Variants in CNTNAP2 observed in about 807,000 individuals in gnomAD.
CNTNAP2 encodes contactin-associated protein-like 2.
A neutral mutation model predicts 155.2 loss-of-function variants in CNTNAP2; 98 were observed. The observed-to-expected ratio is 0.63, with a 90% CI of 0.54 to 0.75. The LOEUF is 0.75. Among genes scored for constraint, CNTNAP2 ranks in the 30% least tolerant of loss-of-function variants. The pLI, the probability that CNTNAP2 is intolerant of heterozygous loss-of-function variation, is 0.00. For synonymous variants in CNTNAP2, 651 were observed against 631.2 expected (o/e 1.03, Z -0.47); for missense variants, 1,727 against 1,688.1 (o/e 1.02, Z -0.40).
At chr7:147,163,431 A>T (rs1802064239) in intron 8 of CNTNAP2, among the ~76,000 whole-genome samples, 1 of 152,194 alleles carries the variant, frequency 6.6e-6, no homozygotes, top group Admixed American at 6.5e-5. Context: ...TAAAATATTT[A>T]TAACTACTTT....
intron 15 of CNTNAP2, among the ~76,000 whole-genome samples, chr7:147,985,678 T>C (rs1801608238): frequency 6.6e-6 from 1 of 152,204 alleles, no homozygotes; most frequent in Non-Finnish European, 1.5e-5. Context: ...CCCCTAACAG[T>C]GTACTTCTTA....
chr7:147,170,311 C>T (rs1802200767), intron 8 of CNTNAP2, among the ~76,000 whole-genome samples: 1 of 151,932 alleles, frequency 6.6e-6, no homozygotes, highest in Admixed American at 6.5e-5. Context: ...TGTGTATCCT[C>T]GCGTGTGCAG....
intron 17 of CNTNAP2, among the ~76,000 whole-genome samples, chr7:148,153,733 C>T (rs892106514): frequency 1.3e-5 from 2 of 152,204 alleles, no homozygotes; most frequent in Non-Finnish European, 2.9e-5. Context: ...CTGATAGCAG[C>T]GGCAGGAGTG....
intron 1 of CNTNAP2, among the ~76,000 whole-genome samples, chr7:146,710,537 T>C (rs1801045680): frequency 6.6e-6 from 1 of 152,166 alleles, no homozygotes; most frequent in Non-Finnish European, 1.5e-5. Flanking sequence ...TTATTTCTCA[T>C]TAGTTTTATT....
At chr7:147,819,067 G>A (rs1287696216) in intron 13 of CNTNAP2, among the ~76,000 whole-genome samples, 1 of 152,120 alleles carries the variant, frequency 6.6e-6, no homozygotes, top group African/African-American at 2.4e-5. Flanking sequence ...GGTAATTTAA[G>A]CTTGGGATAA....
chr7:146,365,073 C>T (rs974000438), intron 1 of CNTNAP2, among the ~76,000 whole-genome samples: 1 of 152,102 alleles, frequency 6.6e-6, no homozygotes, highest in African/African-American at 2.4e-5. Flanking sequence ...TTATTGTATA[C>T]TTTCACTCTA....
chr7:147,694,728 T>G (rs1256980984), intron 13 of CNTNAP2, among the ~76,000 whole-genome samples: 1 of 152,190 alleles, frequency 6.6e-6, no homozygotes, highest in Admixed American at 6.5e-5. Flanking sequence ...TCCTTTTTTG[T>G]CAGTTATCCT....
intron 15 of CNTNAP2, among the ~76,000 whole-genome samples, chr7:148,038,623 A>G (rs531034578): frequency 6.6e-6 from 1 of 152,200 alleles, no homozygotes; most frequent in Non-Finnish European, 1.5e-5. Flanking sequence ...TCAAGAGTTT[A>G]GTCTACCCCT....
intron 1 of CNTNAP2, among the ~76,000 whole-genome samples, chr7:146,456,365 A>G (rs770979280): frequency 3.9e-5 from 6 of 152,242 alleles, no homozygotes; most frequent in Non-Finnish European, 7.3e-5. Flanking sequence ...GAAAGTTCTT[A>G]TCTACCTATG....
intron 8 of CNTNAP2, among the ~76,000 whole-genome samples, chr7:147,226,786 G>A (rs931293196): frequency 5.9e-5 from 9 of 152,046 alleles, no homozygotes; most frequent in African/African-American, 1.7e-4. Flanking sequence ...TTACTATTCC[G>A]TTCCTTTACA....
intron 2 of CNTNAP2, among the ~76,000 whole-genome samples, chr7:146,817,236 C>T (rs1234687947): frequency 2.0e-5 from 3 of 152,062 alleles, no homozygotes; most frequent in Non-Finnish European, 4.4e-5. Flanking sequence ...CTTTGGGAGA[C>T]TGAGGCAGGC....
At chr7:147,569,837 CAG>C (rs1230334796) in intron 12 of CNTNAP2, among the ~76,000 whole-genome samples, 1 of 152,216 alleles carries the variant, frequency 6.6e-6, no homozygotes, top group Non-Finnish European at 1.5e-5. Flanking sequence ...GTCAACTGCT[CAG>C]AGTCTTGCCA....
chr7:146,628,070 GA>G (rs1459182972), intron 1 of CNTNAP2, among the ~76,000 whole-genome samples: 1 of 152,100 alleles, frequency 6.6e-6, no homozygotes, highest in Non-Finnish European at 1.5e-5. Context: ...GTACTAAATA[GA>G]AAATCTATGA....
chr7:146,601,500 A>G (rs189815648), intron 1 of CNTNAP2, among the ~76,000 whole-genome samples: 1 of 152,214 alleles, frequency 6.6e-6, no homozygotes, highest in East Asian at 1.9e-4. Flanking sequence ...ATGGTTGCAG[A>G]TAGGAAGACT....
intron 3 of CNTNAP2, among the ~76,000 whole-genome samples, chr7:147,043,338 T>A (rs879646702): frequency 6.6e-6 from 1 of 152,208 alleles, no homozygotes; most frequent in Admixed American, 6.5e-5. Context: ...ATAATTATTC[T>A]TTTGACAGAA....
At chr7:146,536,377 C>T (rs986058431) in intron 1 of CNTNAP2, among the ~76,000 whole-genome samples, 3 of 151,988 alleles carry the variant, frequency 2.0e-5, no homozygotes, top group African/African-American at 7.2e-5. Context: ...GAAACCCTTT[C>T]CAAATGGGGA....
At chr7:147,270,423 GATACGAAA>G (rs1804717923) in intron 8 of CNTNAP2, among the ~76,000 whole-genome samples, 1 of 152,294 alleles carries the variant, frequency 6.6e-6, no homozygotes, top group African/African-American at 2.4e-5. Flanking sequence ...GGGTAAAATA[GATACGAAA>G]ATTAAGTCGC....
intron 9 of CNTNAP2, among the ~76,000 whole-genome samples, chr7:147,330,666 T>C (rs1795543855): frequency 6.6e-6 from 1 of 152,180 alleles, no homozygotes; most frequent in African/African-American, 2.4e-5. Context: ...ACTTATAACA[T>C]CCTTCTTTTT....
chr7:147,974,276 T>G (rs1801387441), intron 14 of CNTNAP2, among the ~76,000 whole-genome samples: 1 of 152,196 alleles, frequency 6.6e-6, no homozygotes, highest in Non-Finnish European at 1.5e-5. Flanking sequence ...CTAGCACTAG[T>G]TTCATAAGAA....
Sources: allele counts gnomAD v4.1 joint callset (sites outside exome capture counted in the v4.1 genomes callset), GRCh38; gene constraint gnomAD v4.1.1; transcripts MANE v1.5; gene names NCBI Gene and HGNC (gene_info 2026-07-23, HGNC 2026-07-21).